Variants in SYN3 observed in about 807,000 individuals in gnomAD.
The protein encoded by SYN3 is synapsin III.
Under a neutral mutation model 65.8 loss-of-function variants are expected in SYN3, and 35 were observed. The observed-to-expected ratio is 0.53, with a 90% confidence interval of 0.41 to 0.70. The LOEUF (loss-of-function observed/expected upper bound fraction) is 0.70. Ranked by LOEUF, SYN3 falls within the 30% of genes least tolerant of loss-of-function variation. SYN3 has a pLI of 0.00. For synonymous variants in SYN3, 270 were observed against 292.9 expected (o/e 0.92, Z 0.80); for missense variants, 680 against 749.0 (o/e 0.91, Z 1.08).
chr22:32,678,807 C>T (rs1260034081), intron 6 of SYN3, among the ~76,000 whole-genome samples: 1 of 152,196 alleles, frequency 6.6e-6, no homozygotes, highest in East Asian at 1.9e-4. Flanking sequence ...ATATTCTTTG[C>T]TGGCTCTTCT....
rs763298942 is a variant in SYN3, at chr22:32,528,945, C to T, written c.1159G>A (p.Asp387Asn). The T allele has an allele frequency of 9.9e-6, 16 of 1,613,954 alleles. No homozygotes were observed. The highest frequency in any genetic ancestry group is 6.7e-5 in the Admixed American group (4 of 60,012). The change falls in exon 11 of 14, where the codon GAC (aspartate) becomes AAC (asparagine). Residue 387 changes from aspartate (D) to asparagine (N), a missense_variant. Coordinates refer to ENST00000358763, the MANE Select transcript of SYN3 (RefSeq NM_003490.4). ...TGGCTCATTTTGGAGACAACAAGGT[C>T]GGCCATCAGCTGTCTGTCCTCTTCC... ...HVEEDRQLMA[D>N]LVVSKMSQLP... is the part of the protein sequence containing the mutation.
intron 7 of SYN3, among the ~76,000 whole-genome samples, chr22:32,548,624 G>A (rs1483310669): frequency 2.0e-5 from 3 of 152,064 alleles, no homozygotes; most frequent in Non-Finnish European, 2.9e-5. Flanking sequence ...CGCCCGCCTC[G>A]GCCTCCCAAA....
intron 6 of SYN3, among the ~76,000 whole-genome samples, chr22:32,853,216 T>G (rs2048271981): frequency 6.6e-6 from 1 of 152,220 alleles, no homozygotes; most frequent in African/African-American, 2.4e-5. Flanking sequence ...GCCTTAGGAC[T>G]CTCATCCAGC....
intron 2 of SYN3, among the ~76,000 whole-genome samples, chr22:33,004,572 T>C (rs2053150762): frequency 6.6e-6 from 1 of 152,238 alleles, no homozygotes; most frequent in Non-Finnish European, 1.5e-5. Flanking sequence ...TCACTAGATT[T>C]CAGATTTGCA....
At chr22:32,993,262 C>G (rs1422580632) in intron 2 of SYN3, among the ~76,000 whole-genome samples, 2 of 152,086 alleles carry the variant, frequency 1.3e-5, no homozygotes, top group Non-Finnish European at 2.9e-5. Context: ...GATCCAGGGA[C>G]CCAACAGCCC....
At chr22:32,522,814 G>A (rs1354905965) in intron 12 of SYN3, among the ~76,000 whole-genome samples, 9 of 152,018 alleles carry the variant, frequency 5.9e-5, no homozygotes, top group Non-Finnish European at 1.3e-4. Context: ...CCTTTACACT[G>A]AGGAAACTGA....
intron 6 of SYN3, among the ~76,000 whole-genome samples, chr22:32,771,130 C>A (rs1331819148): frequency 6.6e-6 from 1 of 152,182 alleles, no homozygotes; most frequent in Non-Finnish European, 1.5e-5. Flanking sequence ...CATTGTTCAA[C>A]TCCCACTTGT....
At chr22:32,926,244 A>G (rs2050466250) in intron 4 of SYN3, among the ~76,000 whole-genome samples, 1 of 152,218 alleles carries the variant, frequency 6.6e-6, no homozygotes, top group Admixed American at 6.5e-5. Context: ...AAAAATACCA[A>G]ATATGAGCAC....
chr22:32,809,674 A>G (rs973555154), intron 6 of SYN3, among the ~76,000 whole-genome samples: 3 of 152,254 alleles, frequency 2.0e-5, no homozygotes, highest in Admixed American at 2.0e-4. Context: ...CTAGCCAGTC[A>G]TTATTCTGAC....
chr22:32,760,215 C>T (rs28496892), intron 6 of SYN3, among the ~76,000 whole-genome samples: 48,265 of 98,644 alleles, frequency 0.49, 12,680 homozygotes, highest in East Asian at 0.53. Context: ...CCCCAGCCAA[C>T]AGCCACGCAC....
intron 6 of SYN3, among the ~76,000 whole-genome samples, chr22:32,841,348 G>A (rs959281495): frequency 5.9e-5 from 9 of 152,198 alleles, no homozygotes; most frequent in Admixed American, 4.6e-4. Flanking sequence ...GGATTGCGAG[G>A]AGGGGGAGGA....
At position 32,619,511 on chromosome 22, in the gene SYN3, C is replaced by A. The variant is rs553772929; in HGVS notation, c.712-22775G>T. Among the ~76,000 whole-genome samples, 16 of 152,258 alleles carry A rather than the reference C, an allele frequency of 1.1e-4. No homozygotes were observed. The South Asian group carries it at 2.9e-3, about 28-fold the overall frequency. On this transcript the variant is annotated intron_variant, in intron 6 of 13. Transcript: ENST00000358763. ...AACATTCATTCTGGAGGGTCTAGGACAAACCCATTTGAAATACTGTGTTAC... is the reference window on the plus strand; with the variant it reads ...AACATTCATTCTGGAGGGTCTAGGAAAAACCCATTTGAAATACTGTGTTAC...
At chr22:32,994,906 C>A (rs958170519) in intron 2 of SYN3, among the ~76,000 whole-genome samples, 1 of 152,202 alleles carries the variant, frequency 6.6e-6, no homozygotes, top group Non-Finnish European at 1.5e-5. Context: ...ACAGCCTAAG[C>A]CGTGTACCAG....
chr22:32,887,148 G>A (rs903147437), intron 4 of SYN3, among the ~76,000 whole-genome samples: 3 of 152,176 alleles, frequency 2.0e-5, no homozygotes, highest in Admixed American at 6.5e-5. Flanking sequence ...AGGTCAAGGT[G>A]GGAGGATCGC....
rs756321358 is a variant in SYN3 at position 32,541,697 on chromosome 22, T to C, written c.791A>G (p.Gln264Arg). ...AGMGKIKVEN[Q>R]LDFQDITSVV... ...GCTGGTGATGTCCTGGAAGTCAAGCTGGTTTTCCACTTTGATCTGTGTGGG... is the reference window on the plus strand; with the variant it reads ...GCTGGTGATGTCCTGGAAGTCAAGCCGGTTTTCCACTTTGATCTGTGTGGG... The change falls in exon 8 of 14, where the codon CAG (glutamine) becomes CGG (arginine). Residue 264 changes from glutamine to arginine, a missense_variant. Coordinates refer to ENST00000358763, the MANE Select transcript of SYN3 (RefSeq NM_003490.4). 4 of 1,614,044 alleles carry C rather than the reference T, an allele frequency of 2.5e-6. No homozygotes were observed. Among genetic ancestry groups the C allele is most frequent in the Non-Finnish European group, 3.4e-6 (4 of 1,179,996 alleles).
intron 1 of SYN3, among the ~76,000 whole-genome samples, chr22:33,056,152 C>T (rs1036472489): frequency 1.4e-4 from 21 of 152,046 alleles, no homozygotes; most frequent in Non-Finnish European, 2.8e-4. Flanking sequence ...ATAATAGACA[C>T]TCAAAAAAGG....
intron 3 of SYN3, among the ~76,000 whole-genome samples, chr22:32,959,739 C>T (rs373437212): frequency 1.1e-4 from 17 of 152,164 alleles, no homozygotes; most frequent in East Asian, 5.8e-4. Flanking sequence ...GGACTACAGG[C>T]GTGTGCCACA....
At chr22:32,706,570 C>T (rs1601948692) in intron 6 of SYN3, among the ~76,000 whole-genome samples, 1 of 152,216 alleles carries the variant, frequency 6.6e-6, no homozygotes, top group African/African-American at 2.4e-5. Flanking sequence ...AACAGGAATT[C>T]TTCAGGCAGA....
chr22:32,603,469 G>A (rs1184043281), intron 6 of SYN3, among the ~76,000 whole-genome samples: 7 of 150,284 alleles, frequency 4.7e-5, no homozygotes, highest in African/African-American at 1.7e-4. Context: ...TCAGTGAGCC[G>A]AGATCGTGCC....
Sources: gnomAD v4.1 joint callset for allele counts (sites outside exome capture counted in the v4.1 genomes callset) on GRCh38, gnomAD v4.1.1 for gene constraint, MANE v1.5 for transcripts, NCBI Gene and HGNC (gene_info 2026-07-23, HGNC 2026-07-21) for gene names.